DPH7: variants seen among roughly 807,000 people sequenced by gnomAD.
DPH7 encodes diphthine methyltransferase.
DPH7 carries 44 observed loss-of-function variants against 41.7 expected under a neutral mutation model. That is an observed-to-expected ratio of 1.05 (90% CI 0.83 to 1.36). DPH7 has a LOEUF of 1.36. Ranked by LOEUF, DPH7 falls within the 40% of genes most tolerant of loss-of-function variation. DPH7 has a pLI of 0.00. For missense variants in DPH7, 629 were observed against 577.5 expected, an observed-to-expected ratio of 1.09 and a Z score of -0.91; for synonymous variants, 275 against 238.0, an observed-to-expected ratio of 1.16 and a Z score of -1.43.
chr9:137,564,300 G>T, intron 8 of DPH7, 134 bp downstream of exon 8: 1 of 1,124,640 alleles, frequency 8.9e-7, no homozygotes, highest in Non-Finnish European at 1.2e-6. Flanking sequence ...GCGCGACGCT[G>T]GGAGTGTGTA....
At chr9:137,563,546 A>T (rs1302428097) in intron 8 of DPH7, among the ~76,000 whole-genome samples, 2 of 151,928 alleles carry the variant, frequency 1.3e-5, no homozygotes, top group African/African-American at 2.4e-5. Flanking sequence ...AAAAAAAAAA[A>T]AAAGAGGAAT....
chr9:137,570,863 C>T (rs1263500174), intron 5 of DPH7, among the ~76,000 whole-genome samples: 1 of 152,206 alleles, frequency 6.6e-6, no homozygotes, highest in Non-Finnish European at 1.5e-5. Context: ...CCCCTCTCAC[C>T]TCCTTCTACC....
intron 5 of DPH7, among the ~76,000 whole-genome samples, chr9:137,569,501 G>A (rs1488196035): frequency 5.8e-5 from 2 of 34,470 alleles, no homozygotes; most frequent in African/African-American, 1.3e-4. Context: ...ACCATCCATC[G>A]ACCCACCCGC....
At chr9:137,564,336 G>A (rs1411721304) in intron 8 of DPH7, 98 bp downstream of exon 8, 30 of 1,420,386 alleles carry the variant, frequency 2.1e-5, no homozygotes, top group Non-Finnish European at 2.8e-5. Flanking sequence ...GCCCAGCAGA[G>A]CAAGGGAGCA....
Position 137,556,585 on chromosome 9 carries a change from G to A in DPH7, c.950-937C>T, listed in dbSNP as rs971160551. ...CGGGGAGGCCCAACCCTGGGCCCAG[G>A]GCTTCAACTGGGCAGAGGTGGCTCC... On this transcript the variant is annotated intron_variant, in intron 8 of 8. Coordinates refer to ENST00000277540, the MANE Select transcript of DPH7 (RefSeq NM_138778.5). This position sits in a 1 kb window ranked among gnomAD's most constrained non-coding sequence, Gnocchi z 5.2. 1.2e-5 allele frequency: 4 copies of A among 333,474 alleles called. No homozygotes were observed. The highest frequency in any genetic ancestry group is 2.3e-5 in the South Asian group (1 of 43,574). The allele number at this position is 333,474 out of a possible 1,614,324, so 20.7% of individuals were successfully genotyped here. A position where few individuals can be genotyped will look rare whatever the true frequency, so the allele number is the denominator to read the frequency against.
chr9:137,574,926 C>CA, intron 3 of DPH7, 83 bp from the exon 4 acceptor site: 2 of 1,587,134 alleles, frequency 1.3e-6, no homozygotes, highest in Non-Finnish European at 1.7e-6. Context: ...GCAGGGAAGT[C>CA]ATCGTTCCCT....
chr9:137,563,855 G>A (rs1424794586), intron 8 of DPH7, among the ~76,000 whole-genome samples: 1 of 152,132 alleles, frequency 6.6e-6, no homozygotes, highest in Non-Finnish European at 1.5e-5. Flanking sequence ...TCTGACAGTG[G>A]GGGATTACTG....
Position 137,574,343 on chromosome 9 carries a change from AG to A in DPH7, c.504del (p.Ser169ProfsTer8), listed in dbSNP as rs754563472. On this transcript the variant is annotated frameshift_variant, in exon 5 of 9. Coordinates refer to ENST00000277540, the MANE Select transcript of DPH7 (RefSeq NM_138778.5). LOFTEE classifies it high-confidence loss of function. ...ATCAGGAGGTGGAGCTGCCCTGTGGAGTCACTGCTGATGATCTTCAAGGGCT... is the reference window on the plus strand; with the variant it reads ...ATCAGGAGGTGGAGCTGCCCTGTGGATCACTGCTGATGATCTTCAAGGGCT... ...GDQPLKIISSDSTGQLHLLMV... is the reference protein window; with the variant it reads ...GDQPLKIISSXSTGQLHLLMV... The A allele has an allele frequency of 6.2e-7, 1 of 1,614,112 alleles. No individual in the cohort carries two copies. Among genetic ancestry groups the A allele is most frequent in the Non-Finnish European group, 8.5e-7 (1 of 1,180,016 alleles).
rs1841090113 is a variant in DPH7, at chr9:137,574,772, C to A, written c.447G>T (p.Trp149Cys). ...EEQCLALSLD[W>C]STGKTGRAGD... Reference sequence around the variant, plus strand: ...CTTACCTTCCAGTTTTCCCAGTGGACCAATCTAGGGACAAAGCCAGACACT... The same window carrying A: ...CTTACCTTCCAGTTTTCCCAGTGGAACAATCTAGGGACAAAGCCAGACACT... Residue 149 changes from tryptophan to cysteine, a missense_variant, in exon 4 of 9, where the codon TGG becomes TGT. Transcript: ENST00000277540. The A allele has an allele frequency of 6.2e-7, 1 of 1,613,860 alleles. No individual in the cohort carries two copies. The highest frequency in any genetic ancestry group is 1.7e-5 in the Admixed American group (1 of 59,992).
rs920305642 is a variant in DPH7, at chr9:137,558,985, G to A, written c.950-3337C>T. Among the ~76,000 whole-genome samples the A allele has an allele frequency of 2.5e-4, 38 of 152,046 alleles. 1 individual carries two copies. The highest frequency in any genetic ancestry group is 9.2e-4 in the African/African-American group (38 of 41,386). ...ATGTCTTTAATACCACTAAATTGTGGGCGGCAAGCCACCCAGGCACCGAGG... is the reference window on the plus strand; with the variant it reads ...ATGTCTTTAATACCACTAAATTGTGAGCGGCAAGCCACCCAGGCACCGAGG... On this transcript the variant is annotated intron_variant, in intron 8 of 8. Coordinates refer to ENST00000277540, the MANE Select transcript of DPH7 (RefSeq NM_138778.5).
chr9:137,555,074 G>T lies in DPH7; in HGVS notation c.*165C>A. The T allele has an allele frequency of 1.2e-6, 1 of 822,266 alleles. No homozygotes were observed. 50.9% of individuals were successfully genotyped at this position (822,266 alleles called of 1,614,324 possible). On this transcript the variant is annotated 3_prime_UTR_variant, in exon 9 of 9. Transcript: ENST00000277540. ...CCACTTTCAGGGGCCCAGCAGGGAA[G>T]CTGATTTAAGAGAAGTCAACAGCTT...
chr9:137,555,512 G>A lies in DPH7; in HGVS notation c.1086C>T (p.Thr362=), dbSNP rs1837333444. ...PSWSFPSNLG[T]KTADLKGASE... is the part of the protein sequence containing the mutation. Reference sequence around the variant, plus strand: ...TTGCACCCTTCAGGTCTGCCGTCTTGGTTCCTAGGTTGCTAGGAAAGGACC... The same window carrying A: ...TTGCACCCTTCAGGTCTGCCGTCTTAGTTCCTAGGTTGCTAGGAAAGGACC... Residue 362 remains threonine (T), a synonymous_variant, in exon 9 of 9, where the codon ACC becomes ACT. Coordinates refer to ENST00000277540, the MANE Select transcript of DPH7 (RefSeq NM_138778.5). 6.2e-7 allele frequency: 1 copy of A among 1,614,108 alleles called. No individual in the cohort carries two copies. Among genetic ancestry groups the A allele is most frequent in the Admixed American group, 1.7e-5 (1 of 60,022 alleles).
At chr9:137,564,687 G>C in intron 7 of DPH7, 81 bp from the exon 8 acceptor site, 1 of 1,546,280 alleles carries the variant, frequency 6.5e-7, no homozygotes, top group Non-Finnish European at 8.8e-7. Flanking sequence ...GGCACAGAAC[G>C]TCTCCCAGAG....
At chr9:137,561,998 G>A (rs1376881258) in intron 8 of DPH7, among the ~76,000 whole-genome samples, 1 of 152,158 alleles carries the variant, frequency 6.6e-6, no homozygotes, top group East Asian at 1.9e-4. Flanking sequence ...CCAAGTAGCT[G>A]GGACTGCAGG....
chr9:137,575,301 G>A (rs1394154380), intron 3 of DPH7: 53 of 992,842 alleles, frequency 5.3e-5, no homozygotes, highest in Non-Finnish European at 6.0e-5. Context: ...ATGAGAACGT[G>A]GTTGCTCTTT....
chr9:137,576,205 C>T (rs752514457), intron 2 of DPH7, 38 bp from the exon 3 acceptor site: 24 of 1,585,544 alleles, frequency 1.5e-5, no homozygotes, highest in East Asian at 6.7e-5. Context: ...CCAATGTGCC[C>T]GGAGCACAGG....
chr9:137,572,227 T>C (rs1840558720), intron 5 of DPH7, among the ~76,000 whole-genome samples: 1 of 152,060 alleles, frequency 6.6e-6, no homozygotes, highest in Non-Finnish European at 1.5e-5. Context: ...AATTCACCCA[T>C]GAAGGAAACA....
intron 8 of DPH7, among the ~76,000 whole-genome samples, chr9:137,557,233 C>G (rs538121518): frequency 6.6e-5 from 10 of 152,326 alleles, no homozygotes; most frequent in Middle Eastern, 3.4e-3. Context: ...TTAGGCCGGG[C>G]GCGGTGGCTC....
At chr9:137,562,272 C>T (rs987172851) in intron 8 of DPH7, among the ~76,000 whole-genome samples, 3 of 152,182 alleles carry the variant, frequency 2.0e-5, no homozygotes, top group Non-Finnish European at 4.4e-5. Context: ...CTCCAGCCAA[C>T]AGCAGCAGAA....
Sources: gnomAD v4.1 joint callset for allele counts (sites outside exome capture counted in the v4.1 genomes callset) on GRCh38, gnomAD v4.1.1 for gene constraint, Gnocchi (gnomAD v3.1) non-coding constraint, MANE v1.5 for transcripts, NCBI Gene and HGNC (gene_info 2026-07-23, HGNC 2026-07-21) for gene names.